KAZN: variants seen among roughly 807,000 people sequenced by gnomAD.
KAZN encodes kazrin.
KAZN carries 40 observed loss-of-function variants against 87.4 expected under a neutral mutation model. The ratio of observed to expected loss-of-function variants is 0.46; its 90% CI spans 0.36 to 0.60. The LOEUF is 0.60. KAZN is among the 20% of genes least tolerant of loss of function. KAZN has a pLI of 0.00. For synonymous variants in KAZN, 466 were observed against 458.3 expected, an observed-to-expected ratio of 1.02 and a Z score of -0.22; for missense variants, 898 against 1,073.9, an observed-to-expected ratio of 0.84 and a Z score of 2.29.
At chr1:13,970,084 C>T (rs1642084053) in intron 1 of KAZN, among the ~76,000 whole-genome samples, 3 of 152,170 alleles carry the variant, frequency 2.0e-5, no homozygotes, top group African/African-American at 4.8e-5. Context: ...CATTCCTGCA[C>T]CTTCGTCACT....
rs2076570 is a variant in KAZN at position 15,056,171 on chromosome 1, T to C, written c.807T>C (p.Asn269=). The change falls in exon 5 of 15, where the codon AAT becomes AAC. Residue 269 remains asparagine (N), a synonymous_variant. Coordinates refer to ENST00000376030, the MANE Select transcript of KAZN (RefSeq NM_201628.3). The surrounding 1 kb of genome is among the most constrained non-coding windows in gnomAD (Gnocchi z 5.4). ...SLAMPGETVL[N]GNQEWVVQAD... ...CCATGCCGGGCGAGACGGTGCTCAA[T>C]GGCAACCAGGAGTGGGTGGTGCAGG... 16,171 of 1,614,158 alleles carry C rather than the reference T, an allele frequency of 0.01. 332 individuals carry two copies. The highest frequency in any genetic ancestry group is 0.058 in the South Asian group (5,252 of 91,076).
chr1:14,548,026 G>C (rs1421569890), intron 2 of KAZN, among the ~76,000 whole-genome samples: 5 of 145,344 alleles, frequency 3.4e-5, no homozygotes, highest in African/African-American at 7.6e-5. Context: ...CTAATGATAG[G>C]TGATGAGCTA....
chr1:13,910,578 A>G (rs1454879535), intron 1 of KAZN, among the ~76,000 whole-genome samples: 2 of 151,036 alleles, frequency 1.3e-5, no homozygotes, highest in African/African-American at 2.4e-5. Flanking sequence ...CTGGCTCCCC[A>G]TTTGCCTTCT....
At chr1:14,478,822 T>C (rs1353881691) in intron 2 of KAZN, among the ~76,000 whole-genome samples, 1 of 152,188 alleles carries the variant, frequency 6.6e-6, no homozygotes, top group African/African-American at 2.4e-5. Context: ...GAGTGTGTCC[T>C]GGTTTGGATT....
chr1:14,610,503 G>A (rs529301393), intron 1 of KAZN, among the ~76,000 whole-genome samples: 10 of 151,976 alleles, frequency 6.6e-5, no homozygotes, highest in African/African-American at 1.4e-4. Context: ...GATTACAGGC[G>A]TGAGCCACCA....
intron 2 of KAZN, among the ~76,000 whole-genome samples, chr1:14,354,085 A>T (rs1283004561): frequency 1.1e-4 from 17 of 152,262 alleles, no homozygotes; most frequent in Admixed American, 1.1e-3. Flanking sequence ...CCAGAAATAG[A>T]TGGACACATA....
chr1:14,900,577 C>T (rs892693895), intron 1 of KAZN, among the ~76,000 whole-genome samples: 3 of 152,022 alleles, frequency 2.0e-5, no homozygotes, highest in Admixed American at 6.6e-5. Context: ...CACGGTGAAA[C>T]TCTGTCTCTA....
At chr1:13,943,807 G>A (rs998012601) in intron 1 of KAZN, among the ~76,000 whole-genome samples, 2 of 152,232 alleles carry the variant, frequency 1.3e-5, no homozygotes, top group South Asian at 4.1e-4. Flanking sequence ...TTAGTCCTTA[G>A]GGAAATGCAA....
intron 1 of KAZN, among the ~76,000 whole-genome samples, chr1:14,637,757 A>T (rs545457064): frequency 6.6e-6 from 1 of 152,096 alleles, no homozygotes; most frequent in African/African-American, 2.4e-5. Context: ...GAAAAAAAAT[A>T]TGTATAGATG....
intron 1 of KAZN, among the ~76,000 whole-genome samples, chr1:14,114,654 C>G (rs1007390969): frequency 7.9e-5 from 12 of 152,296 alleles, no homozygotes; most frequent in Admixed American, 2.0e-4. Flanking sequence ...ATAGATTTAT[C>G]TTTTCACATA....
At chr1:14,316,906 T>G (rs1228585284) in intron 2 of KAZN, among the ~76,000 whole-genome samples, 1 of 151,956 alleles carries the variant, frequency 6.6e-6, no homozygotes, top group Non-Finnish European at 1.5e-5. Flanking sequence ...CTGTATGATT[T>G]TAAATTTTTT....
At chr1:14,253,832 C>T (rs746744038) in intron 2 of KAZN, among the ~76,000 whole-genome samples, 11 of 151,942 alleles carry the variant, frequency 7.2e-5, no homozygotes, top group Admixed American at 1.3e-4. Context: ...GAGCCCTCCC[C>T]GGCCAGATAT....
intron 4 of KAZN, among the ~76,000 whole-genome samples, chr1:15,048,986 A>C (rs998215715): frequency 1.3e-5 from 2 of 152,146 alleles, no homozygotes; most frequent in African/African-American, 2.4e-5. Context: ...GAACAGTTGC[A>C]TCTCCCCAAG....
chr1:14,874,223 TC>T (rs1652492433), intron 1 of KAZN, among the ~76,000 whole-genome samples: 1 of 152,096 alleles, frequency 6.6e-6, no homozygotes, highest in African/African-American at 2.4e-5. Context: ...TCTGGAGTCC[TC>T]CAACATTTGG....
At chr1:14,573,808 T>A (rs1675015040) in intron 2 of KAZN, among the ~76,000 whole-genome samples, 2 of 152,074 alleles carry the variant, frequency 1.3e-5, no homozygotes, top group Admixed American at 6.5e-5. Flanking sequence ...ACCCCTAAGA[T>A]TGTCACTTTT....
intron 1 of KAZN, among the ~76,000 whole-genome samples, chr1:14,724,572 T>G (rs1240867968): frequency 6.6e-6 from 1 of 152,212 alleles, no homozygotes; most frequent in Non-Finnish European, 1.5e-5. Flanking sequence ...AACCAATTGC[T>G]CTCCTGGTTC....
intron 1 of KAZN, among the ~76,000 whole-genome samples, chr1:14,867,449 T>C (rs868844033): frequency 2.0e-5 from 3 of 152,040 alleles, no homozygotes; most frequent in Admixed American, 6.6e-5. Context: ...AGAGTTACCG[T>C]TGGGTTCAGG....
intron 2 of KAZN, among the ~76,000 whole-genome samples, chr1:14,326,793 T>C (rs997108503): frequency 3.3e-5 from 5 of 152,164 alleles, no homozygotes; most frequent in African/African-American, 1.2e-4. Context: ...AGCTCCCTTC[T>C]TCGCTTCTTT....
intron 14 of KAZN, 102 bp from the exon 15 acceptor site, chr1:15,114,369 C>T (rs1641765624): frequency 1.1e-6 from 1 of 938,874 alleles, no homozygotes; most frequent in Admixed American, 2.3e-5. Context: ...AAGTAAGTTA[C>T]TCAATCACAG....
Sources: gnomAD v4.1 joint callset for allele counts (sites outside exome capture counted in the v4.1 genomes callset) on GRCh38, gnomAD v4.1.1 for gene constraint, Gnocchi (gnomAD v3.1) non-coding constraint, MANE v1.5 for transcripts, NCBI Gene and HGNC (gene_info 2026-07-23, HGNC 2026-07-21) for gene names.